Variants in PRRG2 observed in about 807,000 individuals in gnomAD.
The protein encoded by PRRG2 is transmembrane gamma-carboxyglutamic acid protein 2.
PRRG2 carries 23 observed loss-of-function variants against 27.1 expected under a neutral mutation model. The ratio of observed to expected loss-of-function variants is 0.85; its 90% confidence interval spans 0.61 to 1.20. The LOEUF (loss-of-function observed/expected upper bound fraction) is 1.20, where lower values mean the gene tolerates loss of function less well. Among genes scored for constraint, PRRG2 ranks in the 50% most tolerant of loss-of-function variants. The pLI, the probability that PRRG2 is intolerant of heterozygous loss-of-function variation, is 0.00. For missense variants in PRRG2, 276 were observed against 254.8 expected, an observed-to-expected ratio of 1.08 and a Z score of -0.57; for synonymous variants, 104 against 103.4, an observed-to-expected ratio of 1.01 and a Z score of -0.03.
At position 49,590,000 on chromosome 19, in the gene PRRG2, C is replaced by A. The variant is rs770797176; in HGVS notation, c.538C>A (p.Gln180Lys). The change falls in exon 6 of 7, where the codon CAG (glutamine) becomes AAG (lysine). Residue 180 changes from glutamine to lysine, a missense_variant. Gln to Lys is a moderately conservative substitution (Grantham distance 53). Coordinates refer to ENST00000246794, the MANE Select transcript of PRRG2 (RefSeq NM_000951.3). The part of the protein sequence containing the change: ...PPPPGLPTYE[Q>K]ALAASGVHDA... ...ACCCCCAGGCCTCCCCACCTATGAG[C>A]AGGCGCTGGCAGCCTCTGGGGTACA... The A allele has an allele frequency of 3.3e-6, 5 of 1,532,472 alleles. No homozygotes were observed. Among genetic ancestry groups the A allele is most frequent in the Non-Finnish European group, 4.4e-6 (5 of 1,144,882 alleles). 94.9% of individuals were successfully genotyped at this position (1,532,472 alleles called of 1,614,324 possible).
rs369332075 is a variant in PRRG2, at chr19:49,584,745, C to A, written c.301+793C>A. On this transcript the variant is annotated intron_variant, in intron 4 of 6. Transcript: ENST00000246794. ...TCCCAGACTGCTGAGATTATAGGTG[C>A]CAGGCCCCCCACCACATCTTATTGG... 1.5e-4 allele frequency among the ~76,000 whole-genome samples: 23 copies of A among 152,292 alleles called. No individual in the cohort carries two copies. The East Asian group carries it at 1.9e-3, about 13-fold the overall frequency.
chr19:49,583,374 G>A lies in PRRG2; in HGVS notation c.85+70G>A, dbSNP rs777340395. The A allele has an allele frequency of 2.6e-6, 4 of 1,557,120 alleles. No individual in the cohort carries two copies. In the East Asian group the frequency reaches 9.0e-5, roughly 35 times the overall value. Reference sequence around the variant, plus strand: ...TCCCCCTGACTCAGGAATGTTTCTAGTCCTTCCTCTTCCAGGAGTCCAGGA... The same window carrying A: ...TCCCCCTGACTCAGGAATGTTTCTAATCCTTCCTCTTCCAGGAGTCCAGGA... On this transcript the variant is annotated intron_variant, in intron 2 of 6. Transcript: ENST00000246794.
rs779738989 is a variant in PRRG2 at position 49,583,257 on chromosome 19, C to T, written c.38C>T (p.Ala13Val). Residue 13 changes from alanine (A) to valine (V), a missense_variant, in exon 2 of 7, where the codon GCA becomes GTA. Coordinates refer to ENST00000246794, the MANE Select transcript of PRRG2 (RefSeq NM_000951.3). ...GHPSLLLLYM[A>V]LTTCLDTSPS... is the part of the protein sequence containing the mutation. ...CCCTCTCTGCTGCTGCTATATATGG[C>T]ATTAACCACCTGCCTGGATACTTCA... 18 of 1,614,154 alleles carry T rather than the reference C, an allele frequency of 1.1e-5. No homozygotes were observed. Among genetic ancestry groups the T allele is most frequent in the Non-Finnish European group, 1.4e-5 (17 of 1,180,022 alleles).
intron 5 of PRRG2, among the ~76,000 whole-genome samples, chr19:49,588,881 G>T (rs570810382): frequency 6.6e-6 from 1 of 152,072 alleles, no homozygotes; most frequent in Non-Finnish European, 1.5e-5. Context: ...CTGTCTTTGC[G>T]GTACTGAGAT....
intron 4 of PRRG2, among the ~76,000 whole-genome samples, chr19:49,587,046 A>C (rs1467473735): frequency 6.6e-6 from 1 of 151,978 alleles, no homozygotes; most frequent in East Asian, 1.9e-4. Context: ...GGTCCCAGCT[A>C]CTCAGGAGGC....
intron 5 of PRRG2, among the ~76,000 whole-genome samples, chr19:49,588,996 A>G (rs1415632557): frequency 6.6e-6 from 1 of 151,910 alleles, no homozygotes; most frequent in African/African-American, 2.4e-5. Context: ...TTCAGTGGTA[A>G]CAGGTGCAGC....
intron 5 of PRRG2, 63 bp downstream of exon 5, chr19:49,588,695 C>T (rs117925157): frequency 0.012 from 17,810 of 1,477,634 alleles, 147 homozygotes; most frequent in Non-Finnish European, 0.015. Context: ...AAGCATTGAC[C>T]TAAAGGGATG....
In PRRG2 at chr19:49,583,549, C is replaced by T. The variant is rs3745474; in HGVS notation, c.93C>T (p.Phe31=). 0.2 allele frequency: 327,792 copies of T among 1,613,700 alleles called. 37,438 individuals carry two copies. Among genetic ancestry groups the T allele is most frequent in the African/African-American group, 0.44 (32,781 of 74,954 alleles). ...TCATGTCTTTGGGTCCAGAAGTCTT[C>T]CTGGGTCCCCCAGAGGCCCAGAGCT... is the stretch of plus-strand genomic sequence containing the variant. ...SPSEETDQEV[F]LGPPEAQSFL... The change falls in exon 3 of 7, where the codon TTC becomes TTT. Residue 31 remains phenylalanine (F), a synonymous_variant. Coordinates refer to ENST00000246794, the MANE Select transcript of PRRG2 (RefSeq NM_000951.3).
chr19:49,586,450 TC>T (rs1180806458), intron 4 of PRRG2, among the ~76,000 whole-genome samples: 1 of 150,660 alleles, frequency 6.6e-6, no homozygotes, highest in African/African-American at 2.4e-5. Context: ...AGTGGAGTGA[TC>T]CTGGCTCACT....
rs141947949 is a variant in PRRG2, at chr19:49,583,592, C to A, written c.136C>A (p.Arg46=). The A allele has an allele frequency of 4.3e-6, 7 of 1,614,076 alleles. No individual in the cohort carries two copies. The highest frequency in any genetic ancestry group is 1.3e-5 in the African/African-American group (1 of 74,910). ...EAQSFLSSHT[R]IPRANHWDLE... Reference sequence around the variant, plus strand: ...CCAGAGCTTCCTGAGTAGCCATACCCGGATTCCAAGAGCCAACCACTGGGA... The same window carrying A: ...CCAGAGCTTCCTGAGTAGCCATACCAGGATTCCAAGAGCCAACCACTGGGA... Residue 46 remains arginine (R), a synonymous_variant, in exon 3 of 7, where the codon CGG becomes AGG. Transcript: ENST00000246794.
rs542125517 is a variant in PRRG2, at chr19:49,583,630, C to T, written c.174C>T (p.Leu58=). 235 of 1,614,224 alleles carry T rather than the reference C, an allele frequency of 1.5e-4. 1 individual carries two copies. The South Asian group carries it at 2.4e-3, about 16-fold the overall frequency. The change falls in exon 3 of 7, where the codon CTC becomes CTT. Residue 58 remains leucine (L), a synonymous_variant. Transcript: ENST00000246794. ...PRANHWDLEL[L]TPGNLERECL... ...CCAACCACTGGGACCTGGAGCTGCTCACACCAGGGAACCTGGAACGGGAGT... is the reference window on the plus strand; with the variant it reads ...CCAACCACTGGGACCTGGAGCTGCTTACACCAGGGAACCTGGAACGGGAGT...
At chr19:49,588,655 G>C (rs753901425) in intron 5 of PRRG2, 23 bp downstream of exon 5, 4 of 1,517,328 alleles carry the variant, frequency 2.6e-6, no homozygotes, top group East Asian at 2.5e-5. Flanking sequence ...CAGCGAGGAG[G>C]GGGTGGTGGT....
At chr19:49,588,802 G>A (rs900306215) in intron 5 of PRRG2, among the ~76,000 whole-genome samples, 170 bp downstream of exon 5, 6 of 152,162 alleles carry the variant, frequency 3.9e-5, no homozygotes, top group Non-Finnish European at 7.3e-5. Context: ...TGGTTTTGGC[G>A]ACTGTCGCTC....
In PRRG2 at chr19:49,583,931, T is replaced by C. The variant is rs1199773079; in HGVS notation, c.280T>C (p.Tyr94His). The change falls in exon 4 of 7, where the codon TAC (tyrosine) becomes CAC (histidine). Residue 94 changes from tyrosine to histidine, a missense_variant. Transcript: ENST00000246794. ...CCTCAAGGAGCGCTTTTGGGAGAGC[T>C]ACATCTACAATGGCAAAGGAGGTGA... ...NTLTERFWESYIYNGKGGRGR... is the reference protein window; with the variant it reads ...NTLTERFWESHIYNGKGGRGR... 11 of 1,613,856 alleles carry C rather than the reference T, an allele frequency of 6.8e-6. No homozygotes were observed. Among genetic ancestry groups the C allele is most frequent in the Non-Finnish European group, 9.3e-6 (11 of 1,179,866 alleles).
chr19:49,590,099 C>G (rs1296456599), intron 6 of PRRG2, 47 bp downstream of exon 6: 3 of 1,447,030 alleles, frequency 2.1e-6, no homozygotes, highest in Non-Finnish European at 1.8e-6. Context: ...GAGGGGTGGG[C>G]ACGTTGGAGG....
intron 4 of PRRG2, among the ~76,000 whole-genome samples, chr19:49,584,304 G>A (rs1440086410): frequency 1.3e-5 from 2 of 151,652 alleles, no homozygotes; most frequent in African/African-American, 4.8e-5. Flanking sequence ...CCGAGTAGCT[G>A]GGACTACAGG....
intron 5 of PRRG2, among the ~76,000 whole-genome samples, chr19:49,588,939 C>G (rs1261378537): frequency 6.6e-6 from 1 of 152,114 alleles, no homozygotes; most frequent in Middle Eastern, 3.4e-3. Flanking sequence ...TCTGGTGAGG[C>G]TGCGACGGTG....
At chr19:49,590,253 C>T in intron 6 of PRRG2, 118 bp from the exon 7 acceptor site, 1 of 1,517,778 alleles carries the variant, frequency 6.6e-7, no homozygotes, top group Non-Finnish European at 9.1e-7. Flanking sequence ...AGGGTGGGGC[C>T]TGTGCCCAGA....
intron 5 of PRRG2, among the ~76,000 whole-genome samples, chr19:49,588,856 A>G (rs1044757017): frequency 6.6e-6 from 1 of 152,068 alleles, no homozygotes; most frequent in Non-Finnish European, 1.5e-5. Flanking sequence ...AGCTCTGACC[A>G]CTTTTGCTGC....
Sources: gnomAD v4.1 joint callset for allele counts (sites outside exome capture counted in the v4.1 genomes callset) on GRCh38, gnomAD v4.1.1 for gene constraint, MANE v1.5 for transcripts, NCBI Gene and HGNC (gene_info 2026-07-23, HGNC 2026-07-21) for gene names.